Variants in UBE4B observed in about 807,000 individuals in gnomAD.
UBE4B encodes ubiquitination factor E4B.
Under a neutral mutation model 148.1 loss-of-function variants are expected in UBE4B, and 27 were observed. The observed-to-expected ratio is 0.18, with a 90% CI of 0.13 to 0.25. The LOEUF (loss-of-function observed/expected upper bound fraction) is 0.25, where lower values mean the gene tolerates loss of function less well. Among genes scored for constraint, UBE4B ranks in the 10% least tolerant of loss-of-function variants. The pLI, the probability that UBE4B is intolerant of heterozygous loss-of-function variation, is 1.00. For missense variants in UBE4B, 1,170 were observed against 1,662.4 expected, an observed-to-expected ratio of 0.70 and a Z score of 5.15; for synonymous variants, 596 against 619.3, an observed-to-expected ratio of 0.96 and a Z score of 0.56.
In UBE4B at chr1:10,033,496, C is replaced by A. The variant is rs1643380721; in HGVS notation, c.-175C>A. 1.6e-6 allele frequency: 1 copy of A among 612,952 alleles called. No individual in the cohort carries two copies. Among genetic ancestry groups the A allele is most frequent in the Non-Finnish European group, 2.5e-6 (1 of 401,086 alleles). The allele number at this position is 612,952 out of a possible 1,614,324, so 38.0% of individuals were successfully genotyped here. ...GCGACTGGAGTGACCGAAGCCAAGG[C>A]AGTTTAGTGCCTCTCGTGTTCTTAT... On this transcript the variant is annotated 5_prime_UTR_variant, in exon 1 of 28. Coordinates refer to ENST00000343090, the MANE Select transcript of UBE4B (RefSeq NM_001105562.3).
chr1:10,089,139 T>G (rs1644808323), intron 2 of UBE4B, among the ~76,000 whole-genome samples: 1 of 152,198 alleles, frequency 6.6e-6, no homozygotes, highest in African/African-American at 2.4e-5. Context: ...CCCTAGTAGC[T>G]GAAACTGCAG....
rs539805973 is a variant in UBE4B, at chr1:10,178,718, A to G, written c.3600A>G (p.Ala1200=). 4 of 1,613,998 alleles carry G rather than the reference A, an allele frequency of 2.5e-6. No homozygotes were observed. The South Asian group carries it at 4.4e-5, about 18-fold the overall frequency. The change falls in exon 26 of 28, where the codon GCA becomes GCG. Residue 1200 remains alanine (A), a synonymous_variant. Transcript: ENST00000343090. ...MRKAGIKSTI[A]IEKFKLLAEK... is the part of the protein sequence containing the mutation. Reference sequence around the variant, plus strand: ...AGGCAGGGATCAAATCCACAATAGCAATAGAAAAATTTAAGCTGCTCGCCG... The same window carrying G: ...AGGCAGGGATCAAATCCACAATAGCGATAGAAAAATTTAAGCTGCTCGCCG...
intron 1 of UBE4B, among the ~76,000 whole-genome samples, chr1:10,048,303 T>G (rs180997415): frequency 1.3e-5 from 2 of 152,290 alleles, no homozygotes; most frequent in African/African-American, 4.8e-5. Flanking sequence ...TTGAACATAT[T>G]ATGAATATGC....
intron 1 of UBE4B, among the ~76,000 whole-genome samples, chr1:10,042,524 G>A (rs530879882): frequency 6.6e-6 from 1 of 152,298 alleles, no homozygotes; most frequent in South Asian, 2.1e-4. Context: ...GTGCACGCCT[G>A]TAATCCTAGC....
chr1:10,082,912 G>A lies in UBE4B; in HGVS notation c.211+10698G>A, dbSNP rs1644708116. On this transcript the variant is annotated intron_variant, in intron 2 of 27. Coordinates refer to ENST00000343090, the MANE Select transcript of UBE4B (RefSeq NM_001105562.3). ...TTATGAGTGAGAATGTGCAGTGTTTGGTTTTCTGTTTCTGTGTTAGTTTAC... is the reference window on the plus strand; with the variant it reads ...TTATGAGTGAGAATGTGCAGTGTTTAGTTTTCTGTTTCTGTGTTAGTTTAC... 2.0e-5 allele frequency among the ~76,000 whole-genome samples: 3 copies of A among 150,780 alleles called. No homozygotes were observed. The South Asian group carries it at 6.3e-4, about 32-fold the overall frequency.
chr1:10,140,569 C>T (rs1457043925), intron 17 of UBE4B, among the ~76,000 whole-genome samples: 6 of 152,144 alleles, frequency 3.9e-5, no homozygotes, highest in Admixed American at 3.3e-4. Flanking sequence ...TTATCTGTTT[C>T]TTTATCCTCC....
chr1:10,078,084 A>T (rs146586953), intron 2 of UBE4B, among the ~76,000 whole-genome samples: 2 of 151,596 alleles, frequency 1.3e-5, no homozygotes, highest in South Asian at 4.2e-4. Flanking sequence ...ATCTTGGCTC[A>T]CTGCAACCTC....
intron 2 of UBE4B, among the ~76,000 whole-genome samples, chr1:10,082,112 C>T (rs1644692035): frequency 6.6e-6 from 1 of 152,150 alleles, no homozygotes; most frequent in Non-Finnish European, 1.5e-5. Flanking sequence ...TCTAAATTCA[C>T]GTAGGCTTCA....
intron 1 of UBE4B, among the ~76,000 whole-genome samples, chr1:10,071,213 A>G (rs371110163): frequency 6.6e-6 from 1 of 152,110 alleles, no homozygotes; most frequent in Non-Finnish European, 1.5e-5. Context: ...CCAATTGGCT[A>G]TTTATTTTTA....
chr1:10,128,112 T>G (rs1183102674), intron 11 of UBE4B, among the ~76,000 whole-genome samples: 1 of 152,192 alleles, frequency 6.6e-6, no homozygotes, highest in Non-Finnish European at 1.5e-5. Context: ...AATCTGATTG[T>G]TTGAGTTCAG....
At chr1:10,085,732 G>A (rs964728073) in intron 2 of UBE4B, among the ~76,000 whole-genome samples, 45 of 152,130 alleles carry the variant, frequency 3.0e-4, no homozygotes, top group African/African-American at 9.9e-4. Context: ...CTAACAGCGT[G>A]CATTTGATGC....
intron 2 of UBE4B, among the ~76,000 whole-genome samples, chr1:10,090,752 T>A (rs1220054766): frequency 6.6e-6 from 1 of 151,730 alleles, no homozygotes; most frequent in African/African-American, 2.4e-5. Context: ...CTTTTGACAA[T>A]TCTGTGCTCT....
At chr1:10,153,056 C>A (rs1215290428) in intron 21 of UBE4B, among the ~76,000 whole-genome samples, 1 of 152,022 alleles carries the variant, frequency 6.6e-6, no homozygotes, top group Non-Finnish European at 1.5e-5. Context: ...GAACCAACTG[C>A]TACTGCTGAC....
chr1:10,103,878 G>C (rs1376390627), intron 5 of UBE4B, among the ~76,000 whole-genome samples: 3 of 152,120 alleles, frequency 2.0e-5, no homozygotes, highest in Middle Eastern at 3.4e-3. Context: ...CGCCCGCCTT[G>C]GCCTCCCAAA....
At position 10,123,311 on chromosome 1, in the gene UBE4B, A is replaced by G. The variant is rs2101926463; in HGVS notation, c.1554+1235A>G. On this transcript the variant is annotated intron_variant, in intron 10 of 27. Coordinates refer to ENST00000343090, the MANE Select transcript of UBE4B (RefSeq NM_001105562.3). ...CTGGGTGTGGTGACGGGTGTCTGTA[A>G]TCCCAGCTACTTGGGAGGCTGAGGT... Among the ~76,000 whole-genome samples, 2 of 151,640 alleles carry G rather than the reference A, an allele frequency of 1.3e-5. 1 individual carries two copies. The highest frequency in any genetic ancestry group is 4.2e-4 in the South Asian group (2 of 4,782).
At chr1:10,092,385 C>T (rs1317242626) in intron 2 of UBE4B, among the ~76,000 whole-genome samples, 3 of 152,022 alleles carry the variant, frequency 2.0e-5, no homozygotes, top group Non-Finnish European at 1.5e-5. Flanking sequence ...CCGCCACGCC[C>T]AGCTAATGTT....
chr1:10,080,538 A>G (rs1212115641), intron 2 of UBE4B, among the ~76,000 whole-genome samples: 4 of 152,218 alleles, frequency 2.6e-5, no homozygotes, highest in Admixed American at 1.3e-4. Flanking sequence ...GAGCTACCAT[A>G]TGATCTGGCA....
intron 2 of UBE4B, among the ~76,000 whole-genome samples, chr1:10,082,717 G>A (rs1443128957): frequency 6.8e-6 from 1 of 147,170 alleles, no homozygotes; most frequent in East Asian, 2.0e-4. Context: ...GTACACATGT[G>A]CCATGGTGGT....
At chr1:10,118,110 T>G (rs1466332527) in intron 8 of UBE4B, among the ~76,000 whole-genome samples, 1 of 152,180 alleles carries the variant, frequency 6.6e-6, no homozygotes, top group East Asian at 1.9e-4. Flanking sequence ...AATAATAAGT[T>G]GCAAGGCTGG....
Sources: gnomAD v4.1 joint callset for allele counts (sites outside exome capture counted in the v4.1 genomes callset) on GRCh38, gnomAD v4.1.1 for gene constraint, MANE v1.5 for transcripts, NCBI Gene and HGNC (gene_info 2026-07-23, HGNC 2026-07-21) for gene names.